The following EYA2 variants were observed in gnomAD, a reference collection of about 807,000 sequenced individuals.
EYA2 encodes the protein protein phosphatase EYA2.
EYA2 carries 31 observed loss-of-function variants against 69.2 expected under a neutral mutation model. That is an observed-to-expected ratio of 0.45 (90% CI 0.34 to 0.60). The LOEUF (loss-of-function observed/expected upper bound fraction) is 0.60. Among genes scored for constraint, EYA2 ranks in the 20% least tolerant of loss-of-function variants. The pLI, the probability that EYA2 is intolerant of heterozygous loss-of-function variation, is 0.02. For synonymous variants in EYA2, 257 were observed against 279.4 expected (o/e 0.92, Z 0.80); for missense variants, 622 against 701.2 (o/e 0.89, Z 1.28).
At chr20:47,156,017 A>AATATATAT (rs556903919) in intron 10 of EYA2, among the ~76,000 whole-genome samples, 2 of 132,626 alleles carry the variant, frequency 1.5e-5, no homozygotes, top group African/African-American at 5.8e-5. Flanking sequence ...TCTCTACTTA[A>AATATATAT]ATATATATAT....
chr20:47,087,328 A>G (rs929537199), intron 7 of EYA2, among the ~76,000 whole-genome samples: 4 of 152,314 alleles, frequency 2.6e-5, no homozygotes, highest in East Asian at 3.9e-4. Flanking sequence ...GGCAGGAAGG[A>G]TGGGGTCTGT....
At chr20:47,067,079 T>C (rs987403606) in intron 5 of EYA2, among the ~76,000 whole-genome samples, 1 of 152,180 alleles carries the variant, frequency 6.6e-6, no homozygotes, top group African/African-American at 2.4e-5. Context: ...ATTCTTCAGC[T>C]GACCCTGGGT....
chr20:47,160,465 T>G (rs1225406662), intron 10 of EYA2, among the ~76,000 whole-genome samples: 2 of 151,872 alleles, frequency 1.3e-5, no homozygotes, highest in Non-Finnish European at 2.9e-5. Flanking sequence ...AGGTGGGAGA[T>G]GATGGTGGTT....
intron 5 of EYA2, among the ~76,000 whole-genome samples, chr20:47,065,037 G>T (rs143115939): frequency 1.3e-5 from 2 of 152,304 alleles, no homozygotes; most frequent in Admixed American, 6.5e-5. Context: ...ATGGTGGCAG[G>T]CAAGAGAACA....
At chr20:46,964,769 TC>T (rs1265950776) in intron 1 of EYA2, among the ~76,000 whole-genome samples, 4 of 152,164 alleles carry the variant, frequency 2.6e-5, no homozygotes, top group African/African-American at 4.8e-5. Context: ...GTCACAGCGA[TC>T]ATCAAGCTGT....
At chr20:46,913,948 A>C (rs1316360943) in intron 1 of EYA2, among the ~76,000 whole-genome samples, 1 of 152,206 alleles carries the variant, frequency 6.6e-6, no homozygotes, top group African/African-American at 2.4e-5. Context: ...GTTAATCAGC[A>C]TGCCCAAGGT....
At chr20:46,942,705 C>A (rs1209281980) in intron 1 of EYA2, among the ~76,000 whole-genome samples, 1 of 152,202 alleles carries the variant, frequency 6.6e-6, no homozygotes, top group Non-Finnish European at 1.5e-5. Flanking sequence ...GTCCCATCAT[C>A]TATGAAATGA....
At chr20:47,165,200 A>G (rs759604244) in intron 10 of EYA2, among the ~76,000 whole-genome samples, 2 of 152,216 alleles carry the variant, frequency 1.3e-5, no homozygotes, top group Non-Finnish European at 1.5e-5. Context: ...GATTCTTTCA[A>G]TGTGGAGGGT....
intron 5 of EYA2, among the ~76,000 whole-genome samples, chr20:47,035,196 A>T (rs1984629884): frequency 6.6e-6 from 1 of 152,072 alleles, no homozygotes; most frequent in African/African-American, 2.4e-5. Flanking sequence ...GCTTAGCAAA[A>T]ATTGAAACCA....
At chr20:46,906,846 A>T (rs1297447431) in intron 1 of EYA2, among the ~76,000 whole-genome samples, 1 of 152,218 alleles carries the variant, frequency 6.6e-6, no homozygotes, top group Non-Finnish European at 1.5e-5. Context: ...ACCCTCACTT[A>T]CTTGCACAAT....
intron 1 of EYA2, among the ~76,000 whole-genome samples, chr20:46,980,767 C>T (rs1003758861): frequency 6.6e-5 from 10 of 152,186 alleles, no homozygotes; most frequent in Non-Finnish European, 1.5e-4. Flanking sequence ...TCCCCACCAC[C>T]CTTCCTGGCC....
chr20:47,090,909 A>C (rs928272488), intron 8 of EYA2, among the ~76,000 whole-genome samples: 49 of 152,164 alleles, frequency 3.2e-4, no homozygotes, highest in African/African-American at 1.1e-3. Context: ...CTGTTGTCTT[A>C]TCAAGGGAGG....
At chr20:46,946,717 A>G (rs571043251) in intron 1 of EYA2, among the ~76,000 whole-genome samples, 61 of 150,962 alleles carry the variant, frequency 4.0e-4, no homozygotes, top group African/African-American at 1.3e-3. Context: ...AAAACTTTAT[A>G]TACAAAACCA....
At chr20:46,950,896 AAC>A (rs1568683353) in intron 1 of EYA2, among the ~76,000 whole-genome samples, 2 of 152,216 alleles carry the variant, frequency 1.3e-5, no homozygotes, top group Non-Finnish European at 2.9e-5. Flanking sequence ...GAAGGAAAGT[AAC>A]AGAGGGTGTG....
chr20:47,078,577 A>G (rs2031611112), intron 7 of EYA2, among the ~76,000 whole-genome samples: 1 of 152,230 alleles, frequency 6.6e-6, no homozygotes, highest in Admixed American at 6.5e-5. Context: ...CTCTGCATTG[A>G]CATGCATTAA....
intron 15 of EYA2, among the ~76,000 whole-genome samples, chr20:47,184,285 C>G (rs970981006): frequency 6.6e-6 from 1 of 152,280 alleles, no homozygotes; most frequent in Non-Finnish European, 1.5e-5. Context: ...TGGTGTGTGG[C>G]CAGGCTGTGG....
chr20:47,025,016 G>A (rs1185744761), intron 5 of EYA2, among the ~76,000 whole-genome samples: 1 of 152,184 alleles, frequency 6.6e-6, no homozygotes, highest in African/African-American at 2.4e-5. Context: ...TTGGTTACAT[G>A]TTCTATTTTG....
chr20:47,109,470 G>A (rs1266488458), intron 9 of EYA2, among the ~76,000 whole-genome samples: 2 of 151,858 alleles, frequency 1.3e-5, no homozygotes, highest in Admixed American at 6.6e-5. Flanking sequence ...CTCTTTTTGT[G>A]TGCATTTATT....
At chr20:47,160,996 G>T in intron 10 of EYA2, 1 of 321,226 alleles carries the variant, frequency 3.1e-6, no homozygotes, top group Non-Finnish European at 5.9e-6. Flanking sequence ...GTAGCTGTAG[G>T]TCTTAGAGAT....
Sources: allele counts gnomAD v4.1 joint callset (sites outside exome capture counted in the v4.1 genomes callset), GRCh38; gene constraint gnomAD v4.1.1; transcripts MANE v1.5; gene names NCBI Gene and HGNC (gene_info 2026-07-23, HGNC 2026-07-21).